Variants in CROCC observed in about 807,000 individuals in gnomAD.
CROCC encodes the protein rootletin.
CROCC carries 180 observed loss-of-function variants against 245.2 expected under a neutral mutation model. The ratio of observed to expected loss-of-function variants is 0.73; its 90% confidence interval spans 0.65 to 0.83. The LOEUF is 0.83. CROCC is among the 40% of genes least tolerant of loss of function. The pLI, the probability that CROCC is intolerant of heterozygous loss-of-function variation, is 0.00. For missense variants in CROCC, 2,688 were observed against 2,779.4 expected, an observed-to-expected ratio of 0.97 and a Z score of 0.74; for synonymous variants, 1,205 against 1,241.6, an observed-to-expected ratio of 0.97 and a Z score of 0.62.
chr1:16,921,156 C>G (rs1398414810), upstream of CROCC, among the ~76,000 whole-genome samples: 1 of 152,284 alleles, frequency 6.6e-6, no homozygotes, highest in Non-Finnish European at 1.5e-5. Context: ...GATACTGTTT[C>G]ATCCCCGGAC....
rs1331264723 is a variant in CROCC at position 16,922,690 on chromosome 1, G to A, written c.88G>A (p.Glu30Lys). 45 of 1,613,034 alleles carry A rather than the reference G, an allele frequency of 2.8e-5. No individual in the cohort carries two copies. The highest frequency in any genetic ancestry group is 3.6e-5 in the Non-Finnish European group (42 of 1,179,650). ...QTLESSVLCQ[E>K]KGLGARDLAQ... Reference sequence around the variant, plus strand: ...ACTGGAGAGCAGCGTCCTGTGCCAGGAGAAAGGCTTGGGCGCGCGGGACCT... The same window carrying A: ...ACTGGAGAGCAGCGTCCTGTGCCAGAAGAAAGGCTTGGGCGCGCGGGACCT... Residue 30 changes from glutamate to lysine, a missense_variant, in exon 2 of 37, where the codon GAG becomes AAG. This residue lies in a region of CROCC where 972 missense variants were observed against 895.3 expected (regional missense o/e 1.09). Transcript: ENST00000375541.
Position 16,931,272 on chromosome 1 carries a change from C to T in CROCC, c.850-19C>T, listed in dbSNP as rs368426468. On this transcript the variant is annotated intron_variant, in intron 7 of 36. Transcript: ENST00000375541. ...CCCGCTCTCACACCAACCCTTCCCT[C>T]GGCATGTCTTCCCTCCAGTCCTTCA... The T allele has an allele frequency of 1.1e-4, 176 of 1,599,136 alleles. No individual in the cohort carries two copies. In the African/African-American group the frequency reaches 1.6e-3, roughly 15 times the overall value.
Position 16,939,121 on chromosome 1 carries a change from C to A in CROCC, c.1587C>A (p.His529Gln), listed in dbSNP as rs2100418108. The A allele has an allele frequency of 3.3e-6, 5 of 1,535,624 alleles. No individual in the cohort carries two copies. The highest frequency in any genetic ancestry group is 1.3e-5 in the South Asian group (1 of 79,652). The change falls in exon 12 of 37, where the codon CAC becomes CAA. Residue 529 changes from histidine to glutamine, a missense_variant. His to Gln is a conservative substitution (Grantham distance 24). Transcript: ENST00000375541. ...STLALIHSALHKRQLQVQDMR... is the reference protein window; with the variant it reads ...STLALIHSALQKRQLQVQDMR... ...TCGCCCTGATCCACTCCGCCCTGCA[C>A]AAGCGCCAGCTGCAGGTCCAGGTAG...
chr1:16,914,224 G>A (rs1274110787), intron 1 of CROCC, among the ~76,000 whole-genome samples: 1 of 152,050 alleles, frequency 6.6e-6, no homozygotes, highest in African/African-American at 2.4e-5. Flanking sequence ...GCGGGCTGGA[G>A]CCACGTACCG....
Position 16,970,391 on chromosome 1 carries a change from G to A in CROCC, c.5590G>A (p.Val1864Met), listed in dbSNP as rs780470933. Residue 1864 changes from valine (V) to methionine (M), a missense_variant, in exon 34 of 37, where the codon GTG (valine) becomes ATG (methionine). Transcript: ENST00000375541. ...TCAGCTGGAAGCTGAGAAGCGGGAG[G>A]TGGAGCGCTCAGCCCTGCGGCTGGA... is the stretch of plus-strand genomic sequence containing the variant. ...LAQLEAEKRE[V>M]ERSALRLEKD... 1.9e-6 allele frequency: 3 copies of A among 1,605,486 alleles called. No homozygotes were observed. In the South Asian group the frequency reaches 3.4e-5, roughly 18 times the overall value.
chr1:16,918,303 T>A, upstream of CROCC, among the ~76,000 whole-genome samples: 1 of 44,976 alleles, frequency 2.2e-5, no homozygotes, highest in African/African-American at 1.1e-4. Context: ...ATTCAGTCTT[T>A]TTTTTTTTTT....
chr1:16,925,000 C>T (rs1308058064), intron 3 of CROCC, among the ~76,000 whole-genome samples: 1 of 152,286 alleles, frequency 6.6e-6, no homozygotes, highest in Non-Finnish European at 1.5e-5. Flanking sequence ...GCAGGCCTGT[C>T]TTCATGTCCA....
chr1:16,945,188 G>T (rs865916919), intron 14 of CROCC, among the ~76,000 whole-genome samples: 1 of 152,268 alleles, frequency 6.6e-6, no homozygotes, highest in Non-Finnish European at 1.5e-5. Flanking sequence ...AGCCAGGATC[G>T]CACCACTGTA....
At chr1:16,945,235 A>G (rs2076018979) in intron 14 of CROCC, among the ~76,000 whole-genome samples, 1 of 152,292 alleles carries the variant, frequency 6.6e-6, no homozygotes, top group South Asian at 2.1e-4. Context: ...TGTGTCTCAA[A>G]AAAACAAACA....
chr1:16,962,559 A>G (rs2076351462), intron 27 of CROCC, among the ~76,000 whole-genome samples: 2 of 147,690 alleles, frequency 1.4e-5, no homozygotes, highest in African/African-American at 5.0e-5. Flanking sequence ...AAAAAAAAAA[A>G]AACAGGATTT....
chr1:16,960,836 G>A lies in CROCC; in HGVS notation c.4111G>A (p.Glu1371Lys), dbSNP rs746107171. The change falls in exon 27 of 37, where the codon GAG (glutamate) becomes AAG (lysine). Residue 1371 changes from glutamate (E) to lysine (K), a missense_variant. Physicochemically the swap from Glu to Lys is moderately conservative, Grantham distance 56. Transcript: ENST00000375541. The stretch of plus-strand genomic sequence containing the variant: ...CGAGCGACGCCTGCTGGGCTCCCTG[G>A]AGGAGGCGCGTGGCACTGAAAAGCA... ...TRERRLLGSL[E>K]EARGTEKQQL... 1.3e-6 allele frequency: 2 copies of A among 1,519,066 alleles called. No individual in the cohort carries two copies. The highest frequency in any genetic ancestry group is 2.8e-5 in the African/African-American group (2 of 71,464). 94.1% of individuals were successfully genotyped at this position (1,519,066 alleles called of 1,614,324 possible).
chr1:16,972,721 GGAGA>G lies in CROCC; in HGVS notation c.*277_*280del. 2 of 289,474 alleles carry G rather than the reference GGAGA, an allele frequency of 6.9e-6. No homozygotes were observed. Among genetic ancestry groups the G allele is most frequent in the Non-Finnish European group, 1.3e-5 (2 of 156,078 alleles). The allele number at this position is 289,474 out of a possible 1,614,324, so 17.9% of individuals were successfully genotyped here. A position where few individuals can be genotyped will look rare whatever the true frequency, so the allele number is the denominator to read the frequency against. On this transcript the variant is annotated 3_prime_UTR_variant, in exon 37 of 37. Transcript: ENST00000375541. Reference sequence around the variant, plus strand: ...GAGGCTGAGCCGTAGCCAGGATTGGGGAGAGCCCTTGTCTCTGGTCAGCCCTGGA... The same window carrying G: ...GAGGCTGAGCCGTAGCCAGGATTGGGGCCCTTGTCTCTGGTCAGCCCTGGA...
intron 9 of CROCC, among the ~76,000 whole-genome samples, chr1:16,937,357 A>C (rs1429124032): frequency 6.6e-6 from 1 of 152,070 alleles, no homozygotes; most frequent in Non-Finnish European, 1.5e-5. Context: ...CGTCTCAAAA[A>C]AAAAAAAACA....
intron 8 of CROCC, among the ~76,000 whole-genome samples, chr1:16,936,076 A>G (rs563692374): frequency 4.0e-5 from 6 of 150,812 alleles, no homozygotes; most frequent in South Asian, 2.1e-4. Flanking sequence ...TTTTTCCCCA[A>G]TCTGAGAGTG....
In CROCC at chr1:16,946,986, G is replaced by C. The variant is rs927469491; in HGVS notation, c.2509G>C (p.Ala837Pro). Residue 837 changes from alanine (A) to proline (P), a missense_variant, in exon 17 of 37, where the codon GCG becomes CCG. Ala to Pro is a conservative substitution (Grantham distance 27). Around this residue, in one of 9 missense-constraint regions of CROCC, gnomAD observed 295 missense variants for 241.7 expected, o/e 1.22. Coordinates refer to ENST00000375541, the MANE Select transcript of CROCC (RefSeq NM_014675.5). Reference sequence around the variant, plus strand: ...GCGCAGCCAGCTGCAGGAGCAGCTAGCGCAGGTGGGCAAAGCTGTGTGTGG... The same window carrying C: ...GCGCAGCCAGCTGCAGGAGCAGCTACCGCAGGTGGGCAAAGCTGTGTGTGG... Reference protein sequence around the residue: ...HERSQLQEQLAQLSRQLSGRE... With the variant: ...HERSQLQEQLPQLSRQLSGRE... 6.4e-7 allele frequency: 1 copy of C among 1,550,558 alleles called. No individual in the cohort carries two copies. Among genetic ancestry groups the C allele is most frequent in the Non-Finnish European group, 8.7e-7 (1 of 1,147,924 alleles).
chr1:16,971,782 G>A (rs1036170407), intron 36 of CROCC, 135 bp downstream of exon 36: 4 of 894,620 alleles, frequency 4.5e-6, no homozygotes, highest in South Asian at 1.9e-5. Flanking sequence ...TTGGCTCTGC[G>A]CTGGTGTCAG....
At chr1:16,937,369 A>AC (rs2075815229) in intron 9 of CROCC, among the ~76,000 whole-genome samples, 1 of 152,186 alleles carries the variant, frequency 6.6e-6, no homozygotes. Context: ...AAAAAAACAA[A>AC]AAAAAAGAAC....
At chr1:16,943,696 G>A (rs2075983500) in intron 13 of CROCC, among the ~76,000 whole-genome samples, 1 of 152,270 alleles carries the variant, frequency 6.6e-6, no homozygotes, top group Non-Finnish European at 1.5e-5. Flanking sequence ...AGGAAGCTGT[G>A]GGATCTGCAG....
In CROCC at chr1:16,955,549, A is replaced by G. The variant is rs2076237153; in HGVS notation, c.3703A>G (p.Ser1235Gly). Residue 1235 changes from serine to glycine, a missense_variant and splice_region_variant, in exon 24 of 37, where the codon AGC (serine) becomes GGC (glycine). Coordinates refer to ENST00000375541, the MANE Select transcript of CROCC (RefSeq NM_014675.5). The stretch of plus-strand genomic sequence containing the variant: ...GAAGAAGGCAGAGAGCGAGCGCATC[A>G]GGTGGGGTGTCGCAGGAGGACCAGT... Reference protein sequence around the residue: ...AVKKAESERISLKLANEDKEQ... With the variant: ...AVKKAESERIGLKLANEDKEQ... 6 of 1,527,822 alleles carry G rather than the reference A, an allele frequency of 3.9e-6. No homozygotes were observed. The highest frequency in any genetic ancestry group is 1.4e-5 in the African/African-American group (1 of 73,068). The allele number at this position is 1,527,822 out of a possible 1,614,324, so 94.6% of individuals were successfully genotyped here. A position where few individuals can be genotyped will look rare whatever the true frequency, so the allele number is the denominator to read the frequency against.
Sources: gnomAD v4.1 joint callset for allele counts (sites outside exome capture counted in the v4.1 genomes callset) on GRCh38, gnomAD v4.1.1 for gene constraint, gnomAD v4.1.1 regional missense constraint, MANE v1.5 for transcripts, NCBI Gene and HGNC (gene_info 2026-07-23, HGNC 2026-07-21) for gene names.